FLYWCH2: variants seen among roughly 807,000 people sequenced by gnomAD.
The protein encoded by FLYWCH2 is FLYWCH family member 2.
A neutral mutation model predicts 6.0 loss-of-function variants in FLYWCH2; 2 were observed. The observed-to-expected ratio is 0.33, with a 90% CI of 0.14 to 1.04. The LOEUF is 1.04. FLYWCH2 is among the 50% of genes least tolerant of loss of function. The pLI, the probability that FLYWCH2 is intolerant of heterozygous loss-of-function variation, is 0.45. For synonymous variants in FLYWCH2, 87 were observed against 79.3 expected (o/e 1.10, Z -0.52); for missense variants, 192 against 183.4 (o/e 1.05, Z -0.27).
rs140729922 is a variant in FLYWCH2, at chr16:2,895,577, T to C, written c.-99+257T>C. ...TTGCAGTGAGCCAAGATCGTGCCAC[T>C]GCACTCCAGCCTGGGCGACAGAGCG... On this transcript the variant is annotated intron_variant, in intron 2 of 3. Coordinates refer to ENST00000396958, the MANE Select transcript of FLYWCH2 (RefSeq NM_138439.3). Among the ~76,000 whole-genome samples the C allele has an allele frequency of 7.5e-3, 1,140 of 152,350 alleles. 11 individuals are homozygous for C. The highest frequency in any genetic ancestry group is 0.026 in the African/African-American group (1,086 of 41,584).
At chr16:2,891,597 G>A (rs977249059) in intron 1 of FLYWCH2, among the ~76,000 whole-genome samples, 9 of 151,994 alleles carry the variant, frequency 5.9e-5, no homozygotes, top group African/African-American at 1.7e-4. Context: ...AGTAGAGATG[G>A]GGTTTCACCG....
intron 3 of FLYWCH2, chr16:2,898,840 G>A: frequency 4.4e-6 from 2 of 457,224 alleles, no homozygotes; most frequent in Non-Finnish European, 7.7e-6. Context: ...AAGTTTCCTG[G>A]AAATGACTTT....
chr16:2,898,593 C>A (rs1375157701), intron 3 of FLYWCH2, among the ~76,000 whole-genome samples: 1 of 152,208 alleles, frequency 6.6e-6, no homozygotes, highest in Non-Finnish European at 1.5e-5. Context: ...GACTCCTGCT[C>A]ACTGCTGGGA....
chr16:2,899,276 T>C lies in FLYWCH2; in HGVS notation c.*127T>C. ...ATTGTGTGATTTCTTTTCTTTTTTT[T>C]TTTTTTTTTAGATCAAGTATAAGTT... is the stretch of plus-strand genomic sequence containing the variant. On this transcript the variant is annotated 3_prime_UTR_variant, in exon 4 of 4. Transcript: ENST00000396958. 1.7e-6 allele frequency: 1 copy of C among 579,960 alleles called. No homozygotes were observed. The highest frequency in any genetic ancestry group is 2.6e-5 in the South Asian group (1 of 37,894). The allele number at this position is 579,960 out of a possible 1,614,324, so 35.9% of individuals were successfully genotyped here.
At chr16:2,885,294 G>A (rs2069686168) in intron 1 of FLYWCH2, among the ~76,000 whole-genome samples, 1 of 152,140 alleles carries the variant, frequency 6.6e-6, no homozygotes, top group Non-Finnish European at 1.5e-5. Context: ...TCCAGCCTGG[G>A]CGACAGAGCG....
intron 1 of FLYWCH2, among the ~76,000 whole-genome samples, chr16:2,885,611 C>T (rs896900773): frequency 6.6e-5 from 10 of 152,068 alleles, no homozygotes; most frequent in African/African-American, 1.7e-4. Context: ...CTTCTTTTAC[C>T]GAGCATAATT....
intron 1 of FLYWCH2, among the ~76,000 whole-genome samples, chr16:2,887,951 T>A (rs1480624171): frequency 1.3e-5 from 2 of 151,676 alleles, no homozygotes; most frequent in Non-Finnish European, 2.9e-5. Context: ...TATATAAGAG[T>A]GTATTTCTGG....
At chr16:2,889,956 G>C (rs1278164232) in intron 1 of FLYWCH2, among the ~76,000 whole-genome samples, 1 of 152,098 alleles carries the variant, frequency 6.6e-6, no homozygotes, top group Non-Finnish European at 1.5e-5. Flanking sequence ...GTAGTGGTGC[G>C]TGTCTGTAGT....
intron 1 of FLYWCH2, among the ~76,000 whole-genome samples, chr16:2,889,133 TGTTG>T (rs1216659573): frequency 1.3e-5 from 2 of 150,676 alleles, no homozygotes; most frequent in Non-Finnish European, 3.0e-5. Flanking sequence ...GGTGTTTTTT[TGTTG>T]TTGTTGTTGT....
In FLYWCH2 at chr16:2,891,308, A is replaced by G. The variant is rs113742514; in HGVS notation, c.-199-3912A>G. Among the ~76,000 whole-genome samples, 360 of 152,358 alleles carry G rather than the reference A, an allele frequency of 2.4e-3. 1 individual carries two copies. The highest frequency in any genetic ancestry group is 8.2e-3 in the African/African-American group (339 of 41,594). ...TTTTCCTGACTCAGGTCCCAGGTCA[A>G]GGACCAAGGATGTGGCTCTGGGCAG... On this transcript the variant is annotated intron_variant, in intron 1 of 3. Transcript: ENST00000396958.
At chr16:2,897,322 A>G (rs1366986351) in intron 3 of FLYWCH2, among the ~76,000 whole-genome samples, 2 of 151,648 alleles carry the variant, frequency 1.3e-5, no homozygotes. Context: ...TGCTCTCCCT[A>G]CCTCCTCTGC....
intron 1 of FLYWCH2, among the ~76,000 whole-genome samples, chr16:2,891,080 C>G (rs951401135): frequency 3.3e-5 from 5 of 152,218 alleles, no homozygotes; most frequent in African/African-American, 4.8e-5. Context: ...ATCCCGACCA[C>G]TGGCTTCCAA....
At chr16:2,894,982 C>T (rs1284260731) in intron 1 of FLYWCH2, among the ~76,000 whole-genome samples, 2 of 152,120 alleles carry the variant, frequency 1.3e-5, no homozygotes, top group Non-Finnish European at 2.9e-5. Flanking sequence ...GGGCCTTGTC[C>T]TGCCTGGGTC....
At chr16:2,887,094 TC>T (rs1170967418) in intron 1 of FLYWCH2, among the ~76,000 whole-genome samples, 1 of 152,048 alleles carries the variant, frequency 6.6e-6, no homozygotes, top group Non-Finnish European at 1.5e-5. Flanking sequence ...ATTTAGTTTT[TC>T]TTTTAAAAAA....
intron 1 of FLYWCH2, among the ~76,000 whole-genome samples, chr16:2,886,146 C>T (rs952484450): frequency 6.6e-6 from 1 of 151,892 alleles, no homozygotes; most frequent in Non-Finnish European, 1.5e-5. Context: ...TAGAGAAAAG[C>T]CTGTTTGGAG....
Position 2,899,140 on chromosome 16 carries a change from G to T in FLYWCH2, c.414G>T (p.Lys138Asn), listed in dbSNP as rs201098556. 3.2e-5 allele frequency: 52 copies of T among 1,612,994 alleles called. No homozygotes were observed. The South Asian group carries it at 3.5e-4, about 11-fold the overall frequency. Residue 138 changes from lysine to asparagine, a missense_variant, in exon 4 of 4, where the codon AAG becomes AAT. Coordinates refer to ENST00000396958, the MANE Select transcript of FLYWCH2 (RefSeq NM_138439.3). ...CCCCCTGCTCTGTGGCGCCCGGCAA[G>T]TCCCTGTAACCTTGACAACAGGCGC... ...NFAPCSVAPG[K>N]SL
At chr16:2,890,669 G>A (rs1163128625) in intron 1 of FLYWCH2, among the ~76,000 whole-genome samples, 4 of 150,838 alleles carry the variant, frequency 2.7e-5, no homozygotes, top group African/African-American at 9.8e-5. Flanking sequence ...TGATCCACCC[G>A]CCTCAGCCTC....
intron 1 of FLYWCH2, among the ~76,000 whole-genome samples, chr16:2,891,960 G>A (rs1490708953): frequency 1.3e-5 from 2 of 151,774 alleles, no homozygotes; most frequent in East Asian, 3.9e-4. Context: ...GGGAGGCTGA[G>A]GCGGGTGGAT....
chr16:2,890,539 C>G (rs867035039), intron 1 of FLYWCH2, among the ~76,000 whole-genome samples: 15 of 151,830 alleles, frequency 9.9e-5, no homozygotes, highest in Non-Finnish European at 1.3e-4. Context: ...CTCAGCCTCC[C>G]GAGTAGCTGG....
Sources: allele counts gnomAD v4.1 joint callset (sites outside exome capture counted in the v4.1 genomes callset), GRCh38; gene constraint gnomAD v4.1.1; transcripts MANE v1.5; gene names NCBI Gene and HGNC (gene_info 2026-07-23, HGNC 2026-07-21).